The following PEAK1 variants were observed in gnomAD, a reference collection of about 807,000 sequenced individuals.
The protein encoded by PEAK1 is inactive tyrosine-protein kinase PEAK1.
PEAK1 carries 54 observed loss-of-function variants against 124.7 expected under a neutral mutation model. The observed-to-expected ratio is 0.43, with a 90% CI of 0.35 to 0.54. The LOEUF (loss-of-function observed/expected upper bound fraction) is 0.54. Ranked by LOEUF, PEAK1 falls within the 20% of genes least tolerant of loss-of-function variation. PEAK1 has a pLI of 0.01. For missense variants in PEAK1, 2,046 were observed against 2,134.5 expected, an observed-to-expected ratio of 0.96 and a Z score of 0.82; for synonymous variants, 719 against 760.0, an observed-to-expected ratio of 0.95 and a Z score of 0.89.
At chr15:77,404,126 A>G (rs2071604488) in intron 1 of PEAK1, 1 of 985,062 alleles carries the variant, frequency 1.0e-6, no homozygotes, top group African/African-American at 1.7e-5. Context: ...TACAAATTTA[A>G]CACTTGTGTG....
At chr15:77,125,240 A>G (rs534385178) in intron 9 of PEAK1, among the ~76,000 whole-genome samples, 7 of 152,332 alleles carry the variant, frequency 4.6e-5, no homozygotes, top group African/African-American at 1.7e-4. Context: ...GGTCAAGTAT[A>G]ATAGTGGGGA....
rs192140747 is a variant in PEAK1 at position 77,120,270 on chromosome 15, C to T, written c.4078-4951G>A. ...CCATGTCATATACACTACTGACTTC[C>T]GTGTCTACATTTGTAACGCACCCTT... On this transcript the variant is annotated intron_variant, in intron 9 of 9. Transcript: ENST00000682557. Among the ~76,000 whole-genome samples the T allele has an allele frequency of 3.9e-5, 6 of 152,294 alleles. No individual in the cohort carries two copies. In the East Asian group the frequency reaches 7.7e-4, roughly 20 times the overall value.
chr15:77,271,001 G>T (rs111266145), intron 5 of PEAK1, among the ~76,000 whole-genome samples: 1 of 152,198 alleles, frequency 6.6e-6, no homozygotes, highest in South Asian at 2.1e-4. Context: ...GCAACCTACA[G>T]AATGGGAGAA....
At chr15:77,299,533 T>C (rs1413254526) in intron 2 of PEAK1, among the ~76,000 whole-genome samples, 2 of 152,202 alleles carry the variant, frequency 1.3e-5, no homozygotes, top group African/African-American at 2.4e-5. Context: ...AGGCATCCAA[T>C]AGGGTATTAT....
intron 6 of PEAK1, among the ~76,000 whole-genome samples, chr15:77,187,813 T>A (rs2057625331): frequency 6.6e-6 from 1 of 152,224 alleles, no homozygotes; most frequent in African/African-American, 2.4e-5. Flanking sequence ...CACATATTAG[T>A]CCATCTCCAG....
intron 5 of PEAK1, among the ~76,000 whole-genome samples, chr15:77,271,644 A>T (rs890805667): frequency 2.6e-5 from 4 of 152,220 alleles, no homozygotes; most frequent in Non-Finnish European, 5.9e-5. Flanking sequence ...ACATGGATGA[A>T]GCTGGAAACC....
intron 5 of PEAK1, among the ~76,000 whole-genome samples, chr15:77,258,009 C>G (rs557452143): frequency 1.4e-4 from 22 of 152,212 alleles, no homozygotes; most frequent in African/African-American, 5.3e-4. Context: ...GCTTGTTTTT[C>G]TCAGGTTTGT....
chr15:77,365,627 C>T (rs1005571026), intron 1 of PEAK1, among the ~76,000 whole-genome samples: 1 of 151,606 alleles, frequency 6.6e-6, no homozygotes, highest in Non-Finnish European at 1.5e-5. Flanking sequence ...GTAGTCCCAC[C>T]TACTCGGGAG....
intron 1 of PEAK1, among the ~76,000 whole-genome samples, chr15:77,367,534 A>T (rs1409991737): frequency 2.0e-5 from 3 of 152,234 alleles, no homozygotes; most frequent in Admixed American, 6.5e-5. Context: ...AGTGGATTTT[A>T]AAAGTAAAAT....
At chr15:77,276,990 C>T (rs1161644367) in intron 5 of PEAK1, among the ~76,000 whole-genome samples, 1 of 151,910 alleles carries the variant, frequency 6.6e-6, no homozygotes, top group Non-Finnish European at 1.5e-5. Flanking sequence ...TTGTTACATA[C>T]AAAATGTAGT....
At chr15:77,365,718 C>T (rs914017025) in intron 1 of PEAK1, among the ~76,000 whole-genome samples, 2 of 126,932 alleles carry the variant, frequency 1.6e-5, no homozygotes, top group African/African-American at 3.0e-5. Context: ...GCAGCATGGG[C>T]GATAGAGCAA....
upstream of PEAK1, chr15:77,420,731 T>A (rs1472611982): frequency 2.5e-6 from 1 of 396,768 alleles, no homozygotes; most frequent in African/African-American, 2.1e-5. Context: ...CCTTCATTTT[T>A]GTGAAGGTAC....
chr15:77,213,381 A>T (rs942451875), intron 6 of PEAK1, among the ~76,000 whole-genome samples: 2 of 152,140 alleles, frequency 1.3e-5, no homozygotes, highest in Non-Finnish European at 2.9e-5. Flanking sequence ...CTTCCAGTAG[A>T]AAAAATAAAG....
chr15:77,175,858 G>T (rs1388105095), intron 7 of PEAK1, among the ~76,000 whole-genome samples: 2 of 152,140 alleles, frequency 1.3e-5, no homozygotes, highest in Non-Finnish European at 2.9e-5. Flanking sequence ...CAACCCAAAT[G>T]TCCAACAACG....
intron 6 of PEAK1, among the ~76,000 whole-genome samples, chr15:77,194,699 C>T (rs539874193): frequency 1.3e-5 from 2 of 152,088 alleles, no homozygotes; most frequent in Non-Finnish European, 2.9e-5. Flanking sequence ...GTTTCTTGAA[C>T]AGATGAATAA....
Position 77,179,555 on chromosome 15 carries a change from C to G in PEAK1, c.2372G>C (p.Cys791Ser). The G allele has an allele frequency of 6.2e-7, 1 of 1,614,152 alleles. No individual in the cohort carries two copies. Among genetic ancestry groups the G allele is most frequent in the Non-Finnish European group, 8.5e-7 (1 of 1,180,008 alleles). ...AATGGCATAAAGCTCTTCCACACTG[C>G]AAGCTTTAGGGCCAGATTGAGGTGT... Reference protein sequence around the residue: ...PETPQSGPKACSVEELYAIPP... With the variant: ...PETPQSGPKASSVEELYAIPP... The change falls in exon 7 of 10, where the codon TGC (cysteine) becomes TCC (serine). Residue 791 changes from cysteine to serine, a missense_variant. Physicochemically the swap from Cys to Ser is moderately radical, Grantham distance 112. Transcript: ENST00000682557.
chr15:77,135,068 C>T (rs1268807759), intron 8 of PEAK1, among the ~76,000 whole-genome samples: 1 of 152,148 alleles, frequency 6.6e-6, no homozygotes, highest in Non-Finnish European at 1.5e-5. Context: ...AAGGAATCTA[C>T]CCACTGTCTC....
chr15:77,408,152 C>CGT (rs150041430), intron 1 of PEAK1, among the ~76,000 whole-genome samples: 3 of 122,240 alleles, frequency 2.5e-5, no homozygotes, highest in African/African-American at 8.5e-5. Flanking sequence ...CACATATATA[C>CGT]ATACACACAC....
chr15:77,135,003 G>C (rs993863095), intron 8 of PEAK1, among the ~76,000 whole-genome samples: 3 of 152,302 alleles, frequency 2.0e-5, no homozygotes, highest in Non-Finnish European at 2.9e-5. Flanking sequence ...CACAGGTGCA[G>C]ACTAAGGAAT....
Sources: allele counts gnomAD v4.1 joint callset (sites outside exome capture counted in the v4.1 genomes callset), GRCh38; gene constraint gnomAD v4.1.1; transcripts MANE v1.5; gene names NCBI Gene and HGNC (gene_info 2026-07-23, HGNC 2026-07-21).